The following BLNK variants were observed in gnomAD, a reference collection of about 807,000 sequenced individuals.
BLNK encodes B-cell linker protein.
Under a neutral mutation model 73.5 loss-of-function variants are expected in BLNK, and 29 were observed. The ratio of observed to expected loss-of-function variants is 0.39; its 90% CI spans 0.29 to 0.54. The LOEUF (loss-of-function observed/expected upper bound fraction) is 0.54. BLNK is among the 20% of genes least tolerant of loss of function. BLNK has a pLI of 0.61. For missense variants in BLNK, 460 were observed against 562.8 expected (o/e 0.82, Z 1.85); for synonymous variants, 176 against 200.8 (o/e 0.88, Z 1.04).
intron 3 of BLNK, among the ~76,000 whole-genome samples, chr10:96,237,186 G>C (rs782818421): frequency 1.2e-4 from 18 of 152,206 alleles, no homozygotes; most frequent in Non-Finnish European, 2.5e-4. Flanking sequence ...CAGGGAGACA[G>C]AAAACCAGGT....
At chr10:96,238,381 G>T (rs1401820465) in intron 3 of BLNK, among the ~76,000 whole-genome samples, 6 of 152,184 alleles carry the variant, frequency 3.9e-5, no homozygotes, top group African/African-American at 1.2e-4. Context: ...ACTGGAAAGA[G>T]GACATAAATC....
At position 96,247,063 on chromosome 10, in the gene BLNK, A is replaced by G; in HGVS notation, c.48-14T>C. On this transcript the variant is annotated splice_polypyrimidine_tract_variant and intron_variant, in intron 1 of 16. Coordinates refer to ENST00000224337, the MANE Select transcript of BLNK (RefSeq NM_013314.4). ...TTTTGAAGCTGCCTGTAAAAAACAAAATTAAACATAAGATATTAATAACCA... is the reference window on the plus strand; with the variant it reads ...TTTTGAAGCTGCCTGTAAAAAACAAGATTAAACATAAGATATTAATAACCA... The G allele has an allele frequency of 6.4e-7, 1 of 1,570,168 alleles. No homozygotes were observed.
At chr10:96,248,585 TTG>T (rs147003545) in intron 1 of BLNK, among the ~76,000 whole-genome samples, 5,133 of 152,272 alleles carry the variant, frequency 0.034, 291 homozygotes, top group African/African-American at 0.12. Flanking sequence ...TGCTAAGAAT[TTG>T]TCTTATGAAA....
intron 5 of BLNK, among the ~76,000 whole-genome samples, chr10:96,226,784 C>T (rs950745861): frequency 1.3e-5 from 2 of 151,624 alleles, no homozygotes; most frequent in African/African-American, 4.9e-5. Context: ...TGCAGTGAAG[C>T]GAGTTCATGC....
intron 4 of BLNK, among the ~76,000 whole-genome samples, chr10:96,229,717 A>AG (rs1554903591): frequency 6.6e-6 from 1 of 150,498 alleles, no homozygotes; most frequent in South Asian, 2.1e-4. Context: ...CGCAGCCAGC[A>AG]GGGGGCGCAG....
At chr10:96,257,106 G>A (rs547925375) in intron 1 of BLNK, among the ~76,000 whole-genome samples, 1 of 152,288 alleles carries the variant, frequency 6.6e-6, no homozygotes, top group East Asian at 1.9e-4. Flanking sequence ...GCTCAGAGGT[G>A]AAACTGTCTG....
chr10:96,261,554 C>T (rs966935742), intron 1 of BLNK, among the ~76,000 whole-genome samples: 1 of 152,136 alleles, frequency 6.6e-6, no homozygotes, highest in Non-Finnish European at 1.5e-5. Context: ...CATCTAAGAT[C>T]GGTTTGGCAA....
chr10:96,194,277 G>A (rs587663360), intron 16 of BLNK, among the ~76,000 whole-genome samples: 3 of 152,250 alleles, frequency 2.0e-5, no homozygotes, highest in South Asian at 4.2e-4. Context: ...ATGATAATGC[G>A]GTCTACATTT....
In BLNK at chr10:96,189,307, T is replaced by G. The variant is rs1336097730; in HGVS notation, c.*2666A>C. On this transcript the variant is annotated 3_prime_UTR_variant, in exon 17 of 17. Transcript: ENST00000224337. ...AGAAAGGACAGCCAGATATTGACTG[T>G]TAGAGAAATGAAATAAGATGGAAAA... 4 of 478,066 alleles carry G rather than the reference T, an allele frequency of 8.4e-6. No homozygotes were observed. The allele number at this position is 478,066 out of a possible 1,614,324, so 29.6% of individuals were successfully genotyped here. A position where few individuals can be genotyped will look rare whatever the true frequency, so the allele number is the denominator to read the frequency against.
intron 16 of BLNK, 100 bp from the exon 17 acceptor site, chr10:96,192,192 T>C (rs782422565): frequency 8.2e-5 from 122 of 1,495,942 alleles, no homozygotes; most frequent in Admixed American, 1.4e-4. Flanking sequence ...GTAAAAGTTA[T>C]TACACCCCAG....
chr10:96,266,219 A>T (rs150156267), intron 1 of BLNK, among the ~76,000 whole-genome samples: 4 of 152,250 alleles, frequency 2.6e-5, no homozygotes, highest in African/African-American at 9.6e-5. Context: ...CTGTAAATAC[A>T]TGCCTGAAGA....
At chr10:96,212,489 C>T (rs587683816) in intron 8 of BLNK, among the ~76,000 whole-genome samples, 81 of 152,250 alleles carry the variant, frequency 5.3e-4, no homozygotes, top group Non-Finnish European at 1.1e-3. Context: ...GAGATGACTT[C>T]ACTTGTTCAA....
At chr10:96,254,635 C>T (rs925617733) in intron 1 of BLNK, among the ~76,000 whole-genome samples, 3 of 152,254 alleles carry the variant, frequency 2.0e-5, no homozygotes, top group South Asian at 2.1e-4. Context: ...CTCAGCCTCC[C>T]GAGTAGCTGG....
At chr10:96,253,479 C>T (rs1256519255) in intron 1 of BLNK, among the ~76,000 whole-genome samples, 2 of 152,182 alleles carry the variant, frequency 1.3e-5, no homozygotes, top group African/African-American at 4.8e-5. Flanking sequence ...AGGGAGGGGA[C>T]AATCTCAGGT....
chr10:96,257,334 G>T (rs905022482), intron 1 of BLNK, among the ~76,000 whole-genome samples: 1 of 152,138 alleles, frequency 6.6e-6, no homozygotes, highest in South Asian at 2.1e-4. Flanking sequence ...GGAGGATCTC[G>T]GCCTGGGACA....
chr10:96,236,756 G>T (rs1842704135), intron 3 of BLNK, among the ~76,000 whole-genome samples: 1 of 152,162 alleles, frequency 6.6e-6, no homozygotes, highest in South Asian at 2.1e-4. Context: ...AGCCCAGGAG[G>T]TTGAGGCTGC....
chr10:96,228,414 G>A (rs887369262), intron 4 of BLNK, among the ~76,000 whole-genome samples: 3 of 152,040 alleles, frequency 2.0e-5, no homozygotes, highest in East Asian at 1.9e-4. Flanking sequence ...GCACCACCAC[G>A]CCCAGCTAAT....
intron 4 of BLNK, among the ~76,000 whole-genome samples, chr10:96,230,030 T>C (rs965566028): frequency 6.6e-5 from 10 of 152,176 alleles, no homozygotes; most frequent in African/African-American, 2.4e-4. Context: ...GAAGGCTTCT[T>C]GGATCCCTTC....
Position 96,206,907 on chromosome 10 carries a change from T to C in BLNK, c.817+104A>G, listed in dbSNP as rs374437709. 6.4e-5 allele frequency: 80 copies of C among 1,247,944 alleles called. No homozygotes were observed. In the African/African-American group the frequency reaches 1.1e-3, roughly 17 times the overall value. 77.3% of individuals were successfully genotyped at this position (1,247,944 alleles called of 1,614,324 possible). On this transcript the variant is annotated intron_variant, in intron 11 of 16. Transcript: ENST00000224337. ...ATTTTGTTTAGAAAATTGAGTTTCA[T>C]GTTTACAATTGCCCCAAAAATAATG...
Sources: allele counts gnomAD v4.1 joint callset (sites outside exome capture counted in the v4.1 genomes callset), GRCh38; gene constraint gnomAD v4.1.1; transcripts MANE v1.5; gene names NCBI Gene and HGNC (gene_info 2026-07-23, HGNC 2026-07-21).